ADD3: variants seen among roughly 807,000 people sequenced by gnomAD.
ADD3 encodes gamma-adducin.
Under a neutral mutation model 80.2 loss-of-function variants are expected in ADD3, and 25 were observed. The observed-to-expected ratio is 0.31, with a 90% CI of 0.23 to 0.44. The LOEUF is 0.44. ADD3 is among the 20% of genes least tolerant of loss of function. ADD3 has a pLI of 1.00. For synonymous variants in ADD3, 284 were observed against 289.6 expected, an observed-to-expected ratio of 0.98 and a Z score of 0.20; for missense variants, 829 against 847.5, an observed-to-expected ratio of 0.98 and a Z score of 0.27.
chr10:110,043,153 GGTGT>G (rs1856556964), intron 1 of ADD3, among the ~76,000 whole-genome samples: 1 of 152,186 alleles, frequency 6.6e-6, no homozygotes, highest in South Asian at 2.1e-4. Context: ...TGAAGATCTT[GGTGT>G]GTGTGGTTGT....
intron 1 of ADD3, among the ~76,000 whole-genome samples, chr10:110,042,607 G>A (rs1356785463): frequency 6.6e-6 from 1 of 151,568 alleles, no homozygotes; most frequent in African/African-American, 2.4e-5. Context: ...TGTGGATTTT[G>A]GTGTTATCTA....
intron 1 of ADD3, among the ~76,000 whole-genome samples, chr10:110,039,834 A>G (rs1392103606): frequency 6.6e-6 from 1 of 152,210 alleles, no homozygotes; most frequent in Non-Finnish European, 1.5e-5. Flanking sequence ...TAGCAATGCC[A>G]TAGTTCCTCA....
chr10:110,069,200 A>T (rs944205529), intron 1 of ADD3, among the ~76,000 whole-genome samples: 1 of 152,186 alleles, frequency 6.6e-6, no homozygotes, highest in African/African-American at 2.4e-5. Flanking sequence ...TAATTTTTCC[A>T]TTTTAAAGGA....
intron 4 of ADD3, among the ~76,000 whole-genome samples, chr10:110,117,080 T>C (rs567916767): frequency 2.0e-5 from 3 of 152,326 alleles, no homozygotes; most frequent in South Asian, 2.1e-4. Context: ...TTCATGAACA[T>C]AGCTGACCCT....
chr10:110,116,152 A>G lies in ADD3; in HGVS notation c.335-107A>G, dbSNP rs551569637. On this transcript the variant is annotated intron_variant, in intron 3 of 14. Coordinates refer to ENST00000356080, the MANE Select transcript of ADD3 (RefSeq NM_016824.5). The stretch of plus-strand genomic sequence containing the variant: ...ATGGGCTGATAAATTTCAGATTATT[A>G]TATACAAGGCTGGGATACTCCCAGA... The G allele has an allele frequency of 1.3e-5, 13 of 1,009,868 alleles. No homozygotes were observed. The African/African-American group carries it at 1.3e-4, about 10-fold the overall frequency. 62.6% of individuals were successfully genotyped at this position (1,009,868 alleles called of 1,614,324 possible).
intron 1 of ADD3, among the ~76,000 whole-genome samples, chr10:110,026,181 A>G (rs1854273751): frequency 1.3e-5 from 2 of 152,078 alleles, no homozygotes; most frequent in African/African-American, 2.4e-5. Context: ...TTGGAAAGGA[A>G]TGTATTTAAA....
chr10:110,005,531 A>G (rs2132873874), upstream of ADD3, among the ~76,000 whole-genome samples: 2 of 152,358 alleles, frequency 1.3e-5, no homozygotes, highest in South Asian at 4.1e-4. Flanking sequence ...CTTATATTAA[A>G]TACTAAATAG....
At chr10:109,999,919 G>GTTT (rs1211606435) in intron 1 of ADD3, among the ~76,000 whole-genome samples, 16 of 115,732 alleles carry the variant, frequency 1.4e-4, no homozygotes, top group South Asian at 2.9e-4. Flanking sequence ...TCTTAAGGTT[G>GTTT]TTTTTTTTTT....
intron 1 of ADD3, among the ~76,000 whole-genome samples, chr10:110,037,459 G>A (rs1015084414): frequency 2.0e-5 from 3 of 151,852 alleles, no homozygotes; most frequent in Non-Finnish European, 4.4e-5. Context: ...ATAAAAACTA[G>A]CCAGGCGTGG....
intron 3 of ADD3, among the ~76,000 whole-genome samples, chr10:110,114,896 A>AGT (rs1269206871): frequency 6.7e-6 from 1 of 149,430 alleles, no homozygotes; most frequent in East Asian, 2.0e-4. Context: ...TGGGCAACAT[A>AGT]GTAAGACCCC....
chr10:110,132,570 C>A, intron 14 of ADD3, 170 bp downstream of exon 14: 1 of 572,508 alleles, frequency 1.7e-6, no homozygotes, highest in East Asian at 2.9e-5. Context: ...TGGGGCGCTA[C>A]TTTTGTTCAG....
At chr10:110,065,732 G>T (rs921245400) in intron 1 of ADD3, among the ~76,000 whole-genome samples, 2 of 150,202 alleles carry the variant, frequency 1.3e-5, no homozygotes, top group African/African-American at 4.9e-5. Flanking sequence ...TAGAGACGAG[G>T]TTTCACCATT....
rs979024586 is a variant in ADD3 at position 110,008,000 on chromosome 10, G to C, written c.-329G>C. On this transcript the variant is annotated 5_prime_UTR_variant, in exon 1 of 15. Transcript: ENST00000356080. ...AGTCCCGCCAGAGCGCGAGCCGCCA[G>C]CCCGTAACGGTCGCCAGTGTGAGGG... is the stretch of plus-strand genomic sequence containing the variant. 6.6e-6 allele frequency: 1 copy of C among 152,292 alleles called. No homozygotes were observed. The highest frequency in any genetic ancestry group is 1.5e-5 in the Non-Finnish European group (1 of 68,126). 9.4% of individuals were successfully genotyped at this position (152,292 alleles called of 1,614,324 possible).
intron 1 of ADD3, among the ~76,000 whole-genome samples, chr10:110,015,129 T>A (rs1852802597): frequency 1.3e-5 from 2 of 152,194 alleles, no homozygotes; most frequent in Non-Finnish European, 1.5e-5. Context: ...TCTGATTGCT[T>A]AACATTTTAG....
chr10:110,062,718 C>G (rs1859080288), intron 1 of ADD3, among the ~76,000 whole-genome samples: 1 of 152,226 alleles, frequency 6.6e-6, no homozygotes, highest in Non-Finnish European at 1.5e-5. Context: ...GAATCTTCCT[C>G]CCAGCCTTTG....
At chr10:109,998,431 T>C (rs1357175308) in intron 1 of ADD3, among the ~76,000 whole-genome samples, 1 of 152,220 alleles carries the variant, frequency 6.6e-6, no homozygotes, top group Non-Finnish European at 1.5e-5. Context: ...CCCCATTTCC[T>C]CTTGTCAGGA....
At chr10:110,114,383 A>G (rs553103166) in intron 3 of ADD3, among the ~76,000 whole-genome samples, 10 of 152,344 alleles carry the variant, frequency 6.6e-5, no homozygotes, top group African/African-American at 1.2e-4. Context: ...ATTCTCTTTA[A>G]AAGTTCTTGC....
chr10:110,090,865 TAA>T (rs1847414053), intron 1 of ADD3, among the ~76,000 whole-genome samples: 1 of 152,210 alleles, frequency 6.6e-6, no homozygotes, highest in African/African-American at 2.4e-5. Context: ...CCCTTGACTT[TAA>T]GTTGGATTTT....
chr10:110,077,565 A>G (rs1421214583), intron 1 of ADD3, among the ~76,000 whole-genome samples: 1 of 152,068 alleles, frequency 6.6e-6, no homozygotes, highest in Non-Finnish European at 1.5e-5. Flanking sequence ...GCTTCTAAAG[A>G]GCCTTTTATT....
Sources: gnomAD v4.1 joint callset for allele counts (sites outside exome capture counted in the v4.1 genomes callset) on GRCh38, gnomAD v4.1.1 for gene constraint, MANE v1.5 for transcripts, NCBI Gene and HGNC (gene_info 2026-07-23, HGNC 2026-07-21) for gene names.